The following ATG7 variants were observed in gnomAD, a reference collection of about 807,000 sequenced individuals.
ATG7 encodes the protein autophagy related 7.
A neutral mutation model predicts 82.4 loss-of-function variants in ATG7; 70 were observed. The ratio of observed to expected loss-of-function variants is 0.85; its 90% CI spans 0.70 to 1.04. The LOEUF is 1.04. Among genes scored for constraint, ATG7 ranks in the 50% least tolerant of loss-of-function variants. ATG7 has a pLI of 0.00. For synonymous variants in ATG7, 287 were observed against 313.0 expected (o/e 0.92, Z 0.88); for missense variants, 792 against 864.3 (o/e 0.92, Z 1.05).
intron 20 of ATG7, among the ~76,000 whole-genome samples, chr3:11,495,002 G>C (rs1417769511): frequency 6.6e-6 from 1 of 152,098 alleles, no homozygotes; most frequent in South Asian, 2.1e-4. Context: ...AACCTGGGAG[G>C]TGGAGGTTGC....
At chr3:11,484,026 T>C (rs4377480) in intron 20 of ATG7, among the ~76,000 whole-genome samples, 32,008 of 152,122 alleles carry the variant, frequency 0.21, 3,815 homozygotes, top group South Asian at 0.35. Context: ...CAATTACTTA[T>C]GGGCATGTAT....
chr3:11,279,942 T>G (rs1353544495), intron 1 of ATG7, among the ~76,000 whole-genome samples: 2 of 152,076 alleles, frequency 1.3e-5, no homozygotes, highest in African/African-American at 4.8e-5. Context: ...ACCATAGTTT[T>G]TTTTTTTTTT....
rs1199431541 is a variant in ATG7, at chr3:11,490,862, C to T, written c.2079+63936C>T. 2.0e-5 allele frequency among the ~76,000 whole-genome samples: 3 copies of T among 152,184 alleles called. No homozygotes were observed. The South Asian group carries it at 6.2e-4, about 32-fold the overall frequency. On this transcript the variant is annotated intron_variant, in intron 20 of 20. Coordinates refer to ENST00000693202, the MANE Select transcript of ATG7 (RefSeq NM_001349232.2). ...ATCAGCTGTTAGCCTGATGGGCTTCCCTTTGTGGGTAACCTGACCTTTCTC... is the reference window on the plus strand; with the variant it reads ...ATCAGCTGTTAGCCTGATGGGCTTCTCTTTGTGGGTAACCTGACCTTTCTC...
chr3:11,519,694 G>C (rs1301752411), intron 20 of ATG7, among the ~76,000 whole-genome samples: 1 of 151,446 alleles, frequency 6.6e-6, no homozygotes, highest in African/African-American at 2.4e-5. Context: ...CGAGTAGCTG[G>C]GACCACAGGC....
At chr3:11,295,851 A>G (rs1454890190) in intron 3 of ATG7, among the ~76,000 whole-genome samples, 1 of 150,806 alleles carries the variant, frequency 6.6e-6, no homozygotes, top group Non-Finnish European at 1.5e-5. Context: ...CAATGGCACA[A>G]TCTCGGTTCA....
intron 20 of ATG7, among the ~76,000 whole-genome samples, chr3:11,474,212 C>T (rs2087864679): frequency 6.6e-6 from 1 of 152,222 alleles, no homozygotes; most frequent in South Asian, 2.1e-4. Context: ...GCAAGACAGA[C>T]AAGGCAGGGC....
At chr3:11,515,578 G>A (rs1023345948) in intron 20 of ATG7, among the ~76,000 whole-genome samples, 18 of 152,142 alleles carry the variant, frequency 1.2e-4, no homozygotes, top group African/African-American at 4.3e-4. Context: ...CCAGCCTCAA[G>A]TGTATATTGA....
At chr3:11,491,059 C>A (rs1342321481) in intron 20 of ATG7, among the ~76,000 whole-genome samples, 3 of 152,226 alleles carry the variant, frequency 2.0e-5, no homozygotes, top group Non-Finnish European at 2.9e-5. Flanking sequence ...TAATATCCTG[C>A]AGAGTGTTTT....
chr3:11,541,500 C>T (rs907686657), intron 20 of ATG7, among the ~76,000 whole-genome samples: 3 of 152,178 alleles, frequency 2.0e-5, no homozygotes, highest in Non-Finnish European at 4.4e-5. Context: ...TACTTGGTCT[C>T]CGATGGTCCG....
At chr3:11,492,537 G>T (rs950617544) in intron 20 of ATG7, among the ~76,000 whole-genome samples, 3 of 151,828 alleles carry the variant, frequency 2.0e-5, no homozygotes, top group African/African-American at 4.8e-5. Flanking sequence ...TCGTGACAGG[G>T]GTTCCCTGTT....
intron 20 of ATG7, among the ~76,000 whole-genome samples, chr3:11,482,189 T>A (rs879156395): frequency 6.6e-6 from 1 of 152,158 alleles, no homozygotes; most frequent in Admixed American, 6.5e-5. Flanking sequence ...AGTATATTGA[T>A]GTTCTGTGAG....
At chr3:11,479,929 ATTTTTTTT>A (rs1240114722) in intron 20 of ATG7, among the ~76,000 whole-genome samples, 2 of 140,836 alleles carry the variant, frequency 1.4e-5, no homozygotes, top group African/African-American at 5.2e-5. Flanking sequence ...CCTGGAATCA[ATTTTTTTT>A]TTTTTTTTGA....
At chr3:11,516,623 G>T (rs988171866) in intron 20 of ATG7, among the ~76,000 whole-genome samples, 1 of 152,168 alleles carries the variant, frequency 6.6e-6, no homozygotes, top group African/African-American at 2.4e-5. Context: ...GCACTTGATG[G>T]TTATAGCAGC....
At position 11,429,903 on chromosome 3, in the gene ATG7, G is replaced by A. The variant is rs148685439; in HGVS notation, c.2079+2977G>A. Among the ~76,000 whole-genome samples the A allele has an allele frequency of 9.4e-4, 139 of 148,482 alleles. 3 individuals are homozygous for A. The South Asian group carries it at 0.019, about 20-fold the overall frequency. On this transcript the variant is annotated intron_variant, in intron 20 of 20. Transcript: ENST00000693202. Reference sequence around the variant, plus strand: ...AGAGGTTGCAGTGAGCTGAAATCGCGCGACTGAATTCCAGCCTGGGCGACA... The same window carrying A: ...AGAGGTTGCAGTGAGCTGAAATCGCACGACTGAATTCCAGCCTGGGCGACA...
At chr3:11,292,540 G>A (rs528655093) in intron 3 of ATG7, among the ~76,000 whole-genome samples, 9 of 152,100 alleles carry the variant, frequency 5.9e-5, no homozygotes, top group African/African-American at 1.4e-4. Context: ...GATTACAGGC[G>A]TGAGCCACCA....
intron 20 of ATG7, among the ~76,000 whole-genome samples, chr3:11,472,035 C>G (rs1048263293): frequency 5.9e-5 from 9 of 151,954 alleles, no homozygotes; most frequent in African/African-American, 2.2e-4. Flanking sequence ...CCACACCTAG[C>G]CTTTTTCAGA....
intron 20 of ATG7, among the ~76,000 whole-genome samples, chr3:11,492,782 G>A (rs748059214): frequency 4.6e-5 from 7 of 152,186 alleles, no homozygotes; most frequent in Admixed American, 6.5e-5. Flanking sequence ...CACCCCTTGC[G>A]GGAGGGAGCA....
At chr3:11,519,545 T>G (rs867945584) in intron 20 of ATG7, among the ~76,000 whole-genome samples, 136 of 58,732 alleles carry the variant, frequency 2.3e-3, no homozygotes, top group South Asian at 0.018. Flanking sequence ...AGGAGTTTTT[T>G]TTTTTTTTTT....
intron 20 of ATG7, among the ~76,000 whole-genome samples, chr3:11,509,013 G>A (rs138748477): frequency 6.6e-6 from 1 of 152,214 alleles, no homozygotes; most frequent in African/African-American, 2.4e-5. Flanking sequence ...CAGATCCCTT[G>A]AGCAAATGCC....
Sources: gnomAD v4.1 joint callset for allele counts (sites outside exome capture counted in the v4.1 genomes callset) on GRCh38, gnomAD v4.1.1 for gene constraint, MANE v1.5 for transcripts, NCBI Gene and HGNC (gene_info 2026-07-23, HGNC 2026-07-21) for gene names.